Variants in DCAKD observed in about 807,000 individuals in gnomAD.
DCAKD encodes the protein dephospho-CoA kinase domain containing, also known as dephospho-CoA kinase domain-containing protein.
Under a neutral mutation model 18.7 loss-of-function variants are expected in DCAKD, and 15 were observed. The ratio of observed to expected loss-of-function variants is 0.80; its 90% CI spans 0.54 to 1.24. The LOEUF (loss-of-function observed/expected upper bound fraction) is 1.24. DCAKD is among the 50% of genes most tolerant of loss of function. DCAKD has a pLI of 0.00. For synonymous variants in DCAKD, 130 were observed against 133.0 expected (o/e 0.98, Z 0.16); for missense variants, 301 against 322.0 (o/e 0.93, Z 0.50).
intron 3 of DCAKD, 125 bp from the exon 4 acceptor site, chr17:45,030,304 C>T: frequency 1.3e-6 from 1 of 783,934 alleles, no homozygotes; most frequent in Non-Finnish European, 2.2e-6. Flanking sequence ...ACACACATAC[C>T]CTGCACACTG....
chr17:45,049,673 A>G (rs2053645867), intron 1 of DCAKD, among the ~76,000 whole-genome samples: 1 of 151,542 alleles, frequency 6.6e-6, no homozygotes, highest in African/African-American at 2.4e-5. Flanking sequence ...AAAGCTATCA[A>G]TCTAAAACTG....
chr17:45,024,417 T>C lies in DCAKD; in HGVS notation c.*16A>G, dbSNP rs1259661692. On this transcript the variant is annotated 3_prime_UTR_variant, in exon 5 of 5. Transcript: ENST00000651974. The stretch of plus-strand genomic sequence containing the variant: ...AGATAGATGGAGGCCTGGGGCTCCC[T>C]GCCTTGAGTGCCCCACTAGGCGTAA... 8 of 1,583,678 alleles carry C rather than the reference T, an allele frequency of 5.1e-6. No individual in the cohort carries two copies. In the South Asian group the frequency reaches 9.0e-5, roughly 18 times the overall value.
At chr17:45,049,338 G>C (rs937076331) in intron 1 of DCAKD, among the ~76,000 whole-genome samples, 9 of 152,028 alleles carry the variant, frequency 5.9e-5, no homozygotes, top group Non-Finnish European at 1.0e-4. Context: ...TGGTGGCTAA[G>C]GTGGGAGGAT....
intron 1 of DCAKD, among the ~76,000 whole-genome samples, chr17:45,041,316 C>CTT (rs1156656073): frequency 1.4e-5 from 2 of 145,358 alleles, no homozygotes; most frequent in Non-Finnish European, 1.5e-5. Flanking sequence ...CATGCGGGCT[C>CTT]TTTTTTTTTT....
In DCAKD at chr17:45,030,162, G is replaced by A. The variant is rs2053145674; in HGVS notation, c.334C>T (p.Leu112=). 1 of 1,613,966 alleles carries A rather than the reference G, an allele frequency of 6.2e-7. No individual in the cohort carries two copies. Among genetic ancestry groups the A allele is most frequent in the East Asian group, 2.2e-5 (1 of 44,892 alleles). ...YFLRGYRYVI[L]DIPLLFETKK... is the part of the protein sequence containing the mutation. ...GTCTCAAACAGCAGGGGGATATCCAGAATCACGTAGCGGTATCCTGGGGAG... is the reference window on the plus strand; with the variant it reads ...GTCTCAAACAGCAGGGGGATATCCAAAATCACGTAGCGGTATCCTGGGGAG... Residue 112 remains leucine (L), a synonymous_variant, in exon 4 of 5, where the codon CTG becomes TTG. Coordinates refer to ENST00000651974, the MANE Select transcript of DCAKD (RefSeq NM_001288655.2).
At chr17:45,024,918 A>C (rs730953) in intron 4 of DCAKD, among the ~76,000 whole-genome samples, 194 bp from the exon 5 acceptor site, 92,911 of 151,346 alleles carry the variant, frequency 0.61, 28,706 homozygotes, top group Middle Eastern at 0.69. Flanking sequence ...TGGCTGCCTC[A>C]CACCCCACTC....
At chr17:45,043,310 A>G (rs1187033991) in intron 1 of DCAKD, among the ~76,000 whole-genome samples, 1 of 152,096 alleles carries the variant, frequency 6.6e-6, no homozygotes, top group Non-Finnish European at 1.5e-5. Flanking sequence ...TCAGGATTAA[A>G]TGAGGTGACA....
chr17:45,034,153 G>A (rs766425411), intron 3 of DCAKD, 34 bp downstream of exon 3: 5 of 1,613,018 alleles, frequency 3.1e-6, no homozygotes, highest in East Asian at 2.2e-5. Flanking sequence ...CCTGGAAGGA[G>A]GCCCCGCCCC....
Position 45,034,275 on chromosome 17 carries a change from C to G in DCAKD, c.228G>C (p.Gln76His), listed in dbSNP as rs148949186. The G allele has an allele frequency of 1.2e-6, 2 of 1,614,214 alleles. No homozygotes were observed. Among genetic ancestry groups the G allele is most frequent in the Admixed American group, 3.3e-5 (2 of 60,028 alleles). ...RKVLGDLIFN[Q>H]PDRRQLLNAI... ...CGTTGAGCAGCTGCCGCCGGTCAGGCTGGTTAAAGATCAGGTCCCCCAGGA... is the reference window on the plus strand; with the variant it reads ...CGTTGAGCAGCTGCCGCCGGTCAGGGTGGTTAAAGATCAGGTCCCCCAGGA... Residue 76 changes from glutamine (Q) to histidine (H), a missense_variant, in exon 3 of 5, where the codon CAG becomes CAC. Coordinates refer to ENST00000651974, the MANE Select transcript of DCAKD (RefSeq NM_001288655.2).
At chr17:45,054,502 C>T (rs1182204937), upstream of DCAKD, among the ~76,000 whole-genome samples, 1 of 152,178 alleles carries the variant, frequency 6.6e-6, no homozygotes, top group African/African-American at 2.4e-5. Context: ...CCTGCCTCAG[C>T]CTCCCAAAGT....
chr17:45,057,428 C>T (rs1167280522), intron 1 of DCAKD, among the ~76,000 whole-genome samples: 1 of 151,654 alleles, frequency 6.6e-6, no homozygotes, highest in Non-Finnish European at 1.5e-5. Context: ...CTCGGCTGGG[C>T]GCAGTGGCTC....
chr17:45,034,657 CA>C, intron 2 of DCAKD, 116 bp downstream of exon 2: 1 of 1,161,014 alleles, frequency 8.6e-7, no homozygotes, highest in Non-Finnish European at 1.2e-6. Flanking sequence ...GAAGTCAGAC[CA>C]GGGTCAACAG....
intron 4 of DCAKD, among the ~76,000 whole-genome samples, chr17:45,025,968 G>C (rs947164697): frequency 6.6e-6 from 1 of 151,696 alleles, no homozygotes; most frequent in African/African-American, 2.4e-5. Context: ...GCCCAGGCTG[G>C]AGTGCAGTGG....
In DCAKD at chr17:45,058,477, T is replaced by A. The variant is rs527711579; in HGVS notation, c.-118+2411A>T. Among the ~76,000 whole-genome samples, 4 of 151,970 alleles carry A rather than the reference T, an allele frequency of 2.6e-5. 1 individual carries two copies. The South Asian group carries it at 8.3e-4, about 32-fold the overall frequency. ...CTTTGTCACCCAGGCTGGAGTGCAG[T>A]GGCAGAATCTTGGCTTACTGCAACC... On this transcript the variant is annotated intron_variant, in intron 1 of 4. Transcript: ENST00000310604.
Position 45,030,011 on chromosome 17 carries a change from G to A in DCAKD, c.404+81C>T, listed in dbSNP as rs1322736442. The A allele has an allele frequency of 5.9e-6, 8 of 1,358,928 alleles. No homozygotes were observed. The East Asian group carries it at 6.9e-5, about 12-fold the overall frequency. 84.2% of individuals were successfully genotyped at this position (1,358,928 alleles called of 1,614,324 possible). A position where few individuals can be genotyped will look rare whatever the true frequency, so the allele number is the denominator to read the frequency against. On this transcript the variant is annotated intron_variant, in intron 4 of 4. Coordinates refer to ENST00000651974, the MANE Select transcript of DCAKD (RefSeq NM_001288655.2). ...CCTCTTGGCCGCCCCGTGGGGAAAG[G>A]GCAAAGTGCAAAATGATGTGGGCTG... is the stretch of plus-strand genomic sequence containing the variant.
At chr17:45,054,198 A>G, upstream of DCAKD, 1 of 512,828 alleles carries the variant, frequency 1.9e-6, no homozygotes, top group Non-Finnish European at 3.9e-6. Context: ...TCTGCCATGT[A>G]TACATGTACA....
intron 3 of DCAKD, chr17:45,031,756 C>G (rs2053174178): frequency 1.0e-6 from 1 of 985,314 alleles, no homozygotes; most frequent in South Asian, 4.7e-5. Flanking sequence ...GCTGTCACAT[C>G]CCTCCTGTCT....
rs776928993 is a variant in DCAKD, at chr17:45,034,264, C to T, written c.239G>A (p.Arg80Gln). Reference protein sequence around the residue: ...GDLIFNQPDRRQLLNAITHPE... With the variant: ...GDLIFNQPDRQQLLNAITHPE... ...GTGGGTGATGGCGTTGAGCAGCTGC[C>T]GCCGGTCAGGCTGGTTAAAGATCAG... Residue 80 changes from arginine to glutamine, a missense_variant, in exon 3 of 5, where the codon CGG becomes CAG. Physicochemically the swap from Arg to Gln is conservative, Grantham distance 43. Transcript: ENST00000651974. 295 of 1,614,178 alleles carry T rather than the reference C, an allele frequency of 1.8e-4. No individual in the cohort carries two copies. The highest frequency in any genetic ancestry group is 4.0e-4 in the Admixed American group (24 of 60,020).
At chr17:45,027,444 C>T (rs2053077892) in intron 4 of DCAKD, among the ~76,000 whole-genome samples, 1 of 152,198 alleles carries the variant, frequency 6.6e-6, no homozygotes, top group African/African-American at 2.4e-5. Flanking sequence ...ACAAGGGAGT[C>T]CTTATTTTTG....
Sources: gnomAD v4.1 joint callset for allele counts (sites outside exome capture counted in the v4.1 genomes callset) on GRCh38, gnomAD v4.1.1 for gene constraint, MANE v1.5 for transcripts, NCBI Gene and HGNC (gene_info 2026-07-23, HGNC 2026-07-21) for gene names.